Variants in MYO1E observed in about 807,000 individuals in gnomAD.
The protein encoded by MYO1E is unconventional myosin-Ie.
A neutral mutation model predicts 151.1 loss-of-function variants in MYO1E; 68 were observed. The observed-to-expected ratio is 0.45, with a 90% CI of 0.37 to 0.55. The LOEUF is 0.55. MYO1E is among the 20% of genes least tolerant of loss of function. The pLI, the probability that MYO1E is intolerant of heterozygous loss-of-function variation, is 0.00. For missense variants in MYO1E, 1,363 were observed against 1,389.3 expected, an observed-to-expected ratio of 0.98 and a Z score of 0.30; for synonymous variants, 601 against 501.7, an observed-to-expected ratio of 1.20 and a Z score of -2.64.
chr15:59,271,644 A>C (rs2080289703), intron 2 of MYO1E, among the ~76,000 whole-genome samples: 1 of 152,240 alleles, frequency 6.6e-6, no homozygotes, highest in South Asian at 2.1e-4. Flanking sequence ...GCAAGCTAAA[A>C]TTGAAACATA....
At chr15:59,299,150 G>A (rs2080468025) in intron 1 of MYO1E, among the ~76,000 whole-genome samples, 1 of 152,164 alleles carries the variant, frequency 6.6e-6, no homozygotes, top group South Asian at 2.1e-4. Context: ...TATGTGTGTA[G>A]GTTCGTGATT....
At chr15:59,301,586 T>C (rs760042617) in intron 1 of MYO1E, among the ~76,000 whole-genome samples, 2 of 152,254 alleles carry the variant, frequency 1.3e-5, no homozygotes, top group African/African-American at 2.4e-5. Context: ...GAGATCTTCT[T>C]GGATGCTGAG....
rs71977305 is a variant in MYO1E, at chr15:59,196,986, C to CTTTTTTTTTTT, written c.1699-1430_1699-1420dup. Among the ~76,000 whole-genome samples, 469 of 71,512 alleles carry CTTTTTTTTTTT rather than the reference C, an allele frequency of 6.6e-3. 66 individuals are homozygous for CTTTTTTTTTTT. The highest frequency in any genetic ancestry group is 8.2e-3 in the East Asian group (15 of 1,824). 46.9% of individuals were successfully genotyped at this position (71,512 alleles called of 152,430 possible). On this transcript the variant is annotated intron_variant, in intron 16 of 27. Coordinates refer to ENST00000288235, the MANE Select transcript of MYO1E (RefSeq NM_004998.4). ...ATTTTAGTTTTGTATTTAATTACGA[C>CTTTTTTTTTTT]TTTTTTTTTTTTTTTTTTTTTTTTG...
chr15:59,232,984 G>A (rs545407530), intron 5 of MYO1E, among the ~76,000 whole-genome samples: 3 of 152,192 alleles, frequency 2.0e-5, no homozygotes, highest in African/African-American at 7.2e-5. Flanking sequence ...CCTTTCATGG[G>A]TCAGTTTCAA....
intron 26 of MYO1E, among the ~76,000 whole-genome samples, chr15:59,142,880 C>A (rs1325635054): frequency 7.1e-6 from 1 of 141,076 alleles, no homozygotes; most frequent in Non-Finnish European, 1.5e-5. Flanking sequence ...CCACTTCTGT[C>A]CAATATTATC....
At chr15:59,264,310 G>T (rs10162618) in intron 2 of MYO1E, among the ~76,000 whole-genome samples, 70,512 of 152,022 alleles carry the variant, frequency 0.46, 18,250 homozygotes, top group Non-Finnish European at 0.6. Context: ...CACTATAAGT[G>T]GCAGAGCTAG....
At chr15:59,250,609 G>A (rs1379474148) in intron 4 of MYO1E, among the ~76,000 whole-genome samples, 1 of 151,908 alleles carries the variant, frequency 6.6e-6, no homozygotes, top group Non-Finnish European at 1.5e-5. Flanking sequence ...TTGTTCTAGT[G>A]AACTACTGAA....
chr15:59,349,238 C>CT (rs2140433739), intron 1 of MYO1E, among the ~76,000 whole-genome samples: 1 of 152,230 alleles, frequency 6.6e-6, no homozygotes, highest in African/African-American at 2.4e-5. Context: ...CCCATATAAA[C>CT]ATCTTAGGTA....
At chr15:59,293,416 G>T (rs112490300) in intron 1 of MYO1E, among the ~76,000 whole-genome samples, 2,918 of 151,748 alleles carry the variant, frequency 0.019, 98 homozygotes, top group African/African-American at 0.065. Context: ...CGTGGTGGCA[G>T]GCACCTGTAA....
intron 5 of MYO1E, among the ~76,000 whole-genome samples, chr15:59,233,661 TAAAA>T (rs11285934): frequency 3.1e-4 from 24 of 78,390 alleles, no homozygotes; most frequent in African/African-American, 8.6e-4. Flanking sequence ...AGACTCCGTC[TAAAA>T]AAAAAAAAAA....
At chr15:59,301,374 C>T (rs139920502) in intron 1 of MYO1E, among the ~76,000 whole-genome samples, 12 of 152,294 alleles carry the variant, frequency 7.9e-5, no homozygotes, top group Non-Finnish European at 1.0e-4. Context: ...TTCTCTTTTC[C>T]TCAGAAATGC....
chr15:59,148,973 T>C (rs2079457965), intron 26 of MYO1E, among the ~76,000 whole-genome samples: 1 of 151,848 alleles, frequency 6.6e-6, no homozygotes, highest in Non-Finnish European at 1.5e-5. Flanking sequence ...ACATTTCAGT[T>C]ATAGGAGGGA....
chr15:59,175,893 G>GA (rs1340535978), intron 19 of MYO1E, among the ~76,000 whole-genome samples: 1 of 151,968 alleles, frequency 6.6e-6, no homozygotes, highest in Non-Finnish European at 1.5e-5. Flanking sequence ...GGAGGTTCAA[G>GA]AAAAAACCTT....
intron 1 of MYO1E, among the ~76,000 whole-genome samples, chr15:59,320,001 C>T (rs1337798629): frequency 2.0e-5 from 3 of 152,154 alleles, no homozygotes; most frequent in Non-Finnish European, 2.9e-5. Context: ...TATCAGCATA[C>T]AGAAATCAGT....
At chr15:59,298,504 G>T (rs954498877) in intron 1 of MYO1E, among the ~76,000 whole-genome samples, 11 of 152,188 alleles carry the variant, frequency 7.2e-5, no homozygotes, top group African/African-American at 2.4e-4. Context: ...AGCACTGTGG[G>T]AAGAGGCATA....
chr15:59,233,672 A>AT (rs1287020063), intron 5 of MYO1E, among the ~76,000 whole-genome samples: 8 of 150,110 alleles, frequency 5.3e-5, no homozygotes, highest in African/African-American at 1.7e-4. Context: ...AAAAAAAAAA[A>AT]AAAAAAAAAA....
At chr15:59,210,019 T>G (rs1222466593) in intron 13 of MYO1E, among the ~76,000 whole-genome samples, 2 of 151,594 alleles carry the variant, frequency 1.3e-5, no homozygotes, top group African/African-American at 4.8e-5. Context: ...ATTTAGCTAA[T>G]ACAATTTTTG....
At chr15:59,150,876 C>T (rs181244009) in intron 26 of MYO1E, among the ~76,000 whole-genome samples, 4 of 152,206 alleles carry the variant, frequency 2.6e-5, no homozygotes, top group East Asian at 1.9e-4. Flanking sequence ...AGCTTTCCAG[C>T]GGATTCTACT....
At chr15:59,304,129 C>A (rs755483907) in intron 1 of MYO1E, among the ~76,000 whole-genome samples, 3 of 151,830 alleles carry the variant, frequency 2.0e-5, no homozygotes, top group African/African-American at 7.3e-5. Context: ...ATTACAGGCA[C>A]ACACCGCCAC....
Sources: gnomAD v4.1 joint callset for allele counts (sites outside exome capture counted in the v4.1 genomes callset) on GRCh38, gnomAD v4.1.1 for gene constraint, MANE v1.5 for transcripts, NCBI Gene and HGNC (gene_info 2026-07-23, HGNC 2026-07-21) for gene names.